PIK3C2G: variants seen among roughly 807,000 people sequenced by gnomAD.
The protein encoded by PIK3C2G is phosphatidylinositol 3-kinase C2 domain-containing subunit gamma.
In PIK3C2G, 168 loss-of-function variants were observed where a neutral mutation model predicts 181.1. The observed-to-expected ratio is 0.93, with a 90% CI of 0.82 to 1.05. PIK3C2G has a LOEUF of 1.05. Ranked by LOEUF, PIK3C2G falls within the 50% of genes least tolerant of loss-of-function variation. The pLI, the probability that PIK3C2G is intolerant of heterozygous loss-of-function variation, is 0.00. For synonymous variants in PIK3C2G, 573 were observed against 592.2 expected, an observed-to-expected ratio of 0.97 and a Z score of 0.47; for missense variants, 1,869 against 1,732.8, an observed-to-expected ratio of 1.08 and a Z score of -1.40.
At chr12:18,694,119 G>T in the PIK3C2G span, 12 of 951,496 alleles carry the variant, frequency 1.3e-5, no homozygotes, top group Non-Finnish European at 1.8e-5. Flanking sequence ...GCTGCCATCA[G>T]GAAAATGGTT....
intron 14 of PIK3C2G, among the ~76,000 whole-genome samples, chr12:18,389,363 A>T (rs572873390): frequency 6.6e-6 from 1 of 152,108 alleles, no homozygotes; most frequent in South Asian, 2.1e-4. Context: ...AAAAAAAAAA[A>T]AAAGAAATTT....
chr12:18,344,379 A>G (rs1939451439), intron 10 of PIK3C2G, among the ~76,000 whole-genome samples: 1 of 152,122 alleles, frequency 6.6e-6, no homozygotes, highest in African/African-American at 2.4e-5. Context: ...CACATCAAAA[A>G]GGAAAATAGG....
At chr12:18,636,409 T>G (rs1949605329) in intron 31 of PIK3C2G, among the ~76,000 whole-genome samples, 1 of 152,118 alleles carries the variant, frequency 6.6e-6, no homozygotes, top group Non-Finnish European at 1.5e-5. Flanking sequence ...TTTTGTATTT[T>G]TAGTAGAGAT....
intron 20 of PIK3C2G, chr12:18,493,827 C>A (rs1264123493): frequency 6.6e-6 from 1 of 152,180 alleles, no homozygotes; most frequent in Non-Finnish European, 1.5e-5. Flanking sequence ...GGGCTCAGGT[C>A]TGAGCTAAAC....
intron 18 of PIK3C2G, chr12:18,425,173 G>C (rs1945724323): frequency 5.7e-6 from 1 of 176,190 alleles, no homozygotes; most frequent in African/African-American, 2.4e-5. Context: ...GGAAGCATTG[G>C]GATGATTCTA....
At chr12:18,705,326 A>T in the PIK3C2G span, 1 of 1,614,034 alleles carries the variant, frequency 6.2e-7, no homozygotes, top group East Asian at 2.2e-5. Context: ...CTAAAAAAGT[A>T]ACCATTACTA....
chr12:18,288,452 T>C (rs1326235791), intron 3 of PIK3C2G, among the ~76,000 whole-genome samples: 3 of 152,116 alleles, frequency 2.0e-5, no homozygotes, highest in African/African-American at 7.2e-5. Flanking sequence ...ATAAGAAGGA[T>C]TGAAAGGCTT....
intron 22 of PIK3C2G, among the ~76,000 whole-genome samples, chr12:18,498,466 A>G (rs1941184750): frequency 6.6e-6 from 1 of 152,222 alleles, no homozygotes; most frequent in Admixed American, 6.5e-5. Context: ...ATTGCCACTT[A>G]GAATTTTATT....
At chr12:18,314,148 T>G in intron 6 of PIK3C2G, 84 bp downstream of exon 6, 2 of 662,696 alleles carry the variant, frequency 3.0e-6, no homozygotes, top group Non-Finnish European at 2.7e-6. Flanking sequence ...ATTGCCAACT[T>G]GGAATTATAT....
the PIK3C2G span, among the ~76,000 whole-genome samples, chr12:18,711,547 A>AATAATAATAATAATC: frequency 6.7e-6 from 1 of 149,468 alleles, no homozygotes; most frequent in Admixed American, 6.7e-5. Flanking sequence ...TAATAATAAT[A>AATAATAATAATAATC]ATAATAATAA....
Position 18,290,863 on chromosome 12 carries a change from AAAGAT to A in PIK3C2G, c.772_776del (p.Arg258SerfsTer4). The A allele has an allele frequency of 6.3e-7, 1 of 1,598,612 alleles. No homozygotes were observed. Among genetic ancestry groups the A allele is most frequent in the Non-Finnish European group, 8.6e-7 (1 of 1,167,036 alleles). ...TAACATATGTTTTTCAGAATCAGAGAAAGATATCATGCAGCTGATGTTAATTTCAA... is the reference window on the plus strand; with the variant it reads ...TAACATATGTTTTTCAGAATCAGAGAATCATGCAGCTGATGTTAATTTCAA... On this transcript the variant is annotated frameshift_variant, in exon 4 of 33. Coordinates refer to ENST00000538779, the MANE Select transcript of PIK3C2G (RefSeq NM_001288772.2). LOFTEE classifies it high-confidence loss of function.
intron 32 of PIK3C2G, among the ~76,000 whole-genome samples, chr12:18,644,977 T>C (rs1950039859): frequency 6.6e-6 from 1 of 152,190 alleles, no homozygotes; most frequent in African/African-American, 2.4e-5. Flanking sequence ...ATTCTTGGAA[T>C]GTTCAGTATA....
At chr12:18,295,909 T>C (rs1408210369) in intron 5 of PIK3C2G, among the ~76,000 whole-genome samples, 1 of 152,054 alleles carries the variant, frequency 6.6e-6, no homozygotes, top group Non-Finnish European at 1.5e-5. Flanking sequence ...CTAAAAAATA[T>C]GTCCTTAAAG....
intron 1 of PIK3C2G, among the ~76,000 whole-genome samples, chr12:18,263,642 T>C (rs1031484120): frequency 1.3e-5 from 2 of 152,188 alleles, no homozygotes; most frequent in Admixed American, 1.3e-4. Flanking sequence ...AGTGTTATTC[T>C]TTACCTCCTG....
intron 5 of PIK3C2G, among the ~76,000 whole-genome samples, chr12:18,294,847 A>C (rs563848367): frequency 2.4e-4 from 37 of 151,876 alleles, no homozygotes; most frequent in Admixed American, 6.6e-5. Flanking sequence ...CATGGAAGTA[A>C]AAATGTATTT....
chr12:18,725,572 C>G, the PIK3C2G span, among the ~76,000 whole-genome samples: 5 of 152,058 alleles, frequency 3.3e-5, no homozygotes, highest in African/African-American at 4.8e-5. Flanking sequence ...TCTCAACTCC[C>G]TCTTAAAGTT....
intron 31 of PIK3C2G, among the ~76,000 whole-genome samples, chr12:18,630,737 A>C (rs1949315004): frequency 6.6e-6 from 1 of 152,138 alleles, no homozygotes; most frequent in South Asian, 2.1e-4. Context: ...TGGTATGAGC[A>C]AAAAGAATTA....
At chr12:18,382,095 T>C (rs1047886434) in intron 14 of PIK3C2G, among the ~76,000 whole-genome samples, 9 of 152,176 alleles carry the variant, frequency 5.9e-5, no homozygotes, top group African/African-American at 2.2e-4. Flanking sequence ...TTTCAAACCA[T>C]TCTCCATCCT....
chr12:18,302,940 T>C (rs1201907663), intron 5 of PIK3C2G, among the ~76,000 whole-genome samples: 1 of 151,870 alleles, frequency 6.6e-6, no homozygotes, highest in African/African-American at 2.4e-5. Context: ...GGCAGGGTGA[T>C]TCCCAGGGTC....
Sources: gnomAD v4.1 joint callset for allele counts (sites outside exome capture counted in the v4.1 genomes callset) on GRCh38, gnomAD v4.1.1 for gene constraint, MANE v1.5 for transcripts, NCBI Gene and HGNC (gene_info 2026-07-23, HGNC 2026-07-21) for gene names.